Variants in PGM2 observed in about 807,000 individuals in gnomAD.
PGM2 encodes the protein phosphopentomutase.
PGM2 carries 57 observed loss-of-function variants against 74.6 expected under a neutral mutation model. That is an observed-to-expected ratio of 0.76 (90% CI 0.62 to 0.95). The LOEUF (loss-of-function observed/expected upper bound fraction) is 0.95. PGM2 is among the 40% of genes least tolerant of loss of function. PGM2 has a pLI of 0.00. For missense variants in PGM2, 706 were observed against 741.9 expected (o/e 0.95, Z 0.56); for synonymous variants, 273 against 260.7 (o/e 1.05, Z -0.46).
rs916912471 is a variant in PGM2, at chr4:37,851,398, A to C, written c.1602+1025A>C. Among the ~76,000 whole-genome samples, 378 of 152,364 alleles carry C rather than the reference A, an allele frequency of 2.5e-3. 1 individual carries two copies. The highest frequency in any genetic ancestry group is 5.4e-4 in the Non-Finnish European group (37 of 68,042). ...AGTGTATTGGAGCTGTTGGCTGTAA[A>C]GCCTGAGTTTGCATTCTTTACACCA... is the stretch of plus-strand genomic sequence containing the variant. On this transcript the variant is annotated intron_variant, in intron 12 of 13. Transcript: ENST00000381967.
At chr4:37,837,415 A>G in intron 3 of PGM2, 114 bp from the exon 4 acceptor site, 1 of 759,656 alleles carries the variant, frequency 1.3e-6, no homozygotes, top group South Asian at 1.4e-5. Flanking sequence ...GCTGTCCTTG[A>G]TCTGGATGCT....
chr4:37,833,938 C>G (rs963994510), intron 2 of PGM2, among the ~76,000 whole-genome samples: 1 of 152,146 alleles, frequency 6.6e-6, no homozygotes, highest in Non-Finnish European at 1.5e-5. Flanking sequence ...AAGCCCTACA[C>G]TGAACTACCT....
At chr4:37,845,430 T>G (rs1725845013) in intron 7 of PGM2, among the ~76,000 whole-genome samples, 1 of 152,210 alleles carries the variant, frequency 6.6e-6, no homozygotes, top group African/African-American at 2.4e-5. Flanking sequence ...ACCTCTGACT[T>G]AGGAAGATAC....
chr4:37,854,602 C>T (rs1467931483), intron 12 of PGM2, among the ~76,000 whole-genome samples: 4 of 151,922 alleles, frequency 2.6e-5, no homozygotes, highest in African/African-American at 7.3e-5. Context: ...CCGCCCTCCT[C>T]GGCCTCCCAA....
At chr4:37,837,214 GAGATAGAC>G (rs1725592447) in intron 3 of PGM2, among the ~76,000 whole-genome samples, 1 of 152,216 alleles carries the variant, frequency 6.6e-6, no homozygotes, top group South Asian at 2.1e-4. Context: ...GAGAACCACT[GAGATAGAC>G]AGAGAGCTGA....
intron 3 of PGM2, among the ~76,000 whole-genome samples, chr4:37,836,457 A>G (rs1577674022): frequency 6.6e-6 from 1 of 152,216 alleles, no homozygotes; most frequent in Non-Finnish European, 1.5e-5. Context: ...TTAATCTTCC[A>G]ATTTTAAATA....
At chr4:37,859,714 G>GT (rs1470258832) in intron 13 of PGM2, among the ~76,000 whole-genome samples, 1 of 145,772 alleles carries the variant, frequency 6.9e-6, no homozygotes, top group African/African-American at 2.7e-5. Flanking sequence ...CAAAATAGCT[G>GT]TTTTCTCCCC....
At chr4:37,852,182 G>A (rs1726061259) in intron 12 of PGM2, among the ~76,000 whole-genome samples, 1 of 137,146 alleles carries the variant, frequency 7.3e-6, no homozygotes. Flanking sequence ...CTCTCCCTAG[G>A]TTTCCCAGGC....
intron 1 of PGM2, among the ~76,000 whole-genome samples, chr4:37,829,203 A>G (rs1287990238): frequency 6.6e-6 from 1 of 152,190 alleles, no homozygotes; most frequent in African/African-American, 2.4e-5. Flanking sequence ...AAATAGGGCA[A>G]TGTATAATGA....
Position 37,845,660 on chromosome 4 carries a change from A to G in PGM2, c.937A>G (p.Thr313Ala), listed in dbSNP as rs1312150544. The change falls in exon 8 of 14, where the codon ACC (threonine) becomes GCC (alanine). Residue 313 changes from threonine (T) to alanine (A), a missense_variant. Transcript: ENST00000381967. The stretch of plus-strand genomic sequence containing the variant: ...TTTGTCTTTTGCTTTGGCTGACAAA[A>G]CCAAGGCCAGAATTGTTTTAGCTAA... ...LTLSFALADK[T>A]KARIVLANDP... 2 of 1,613,208 alleles carry G rather than the reference A, an allele frequency of 1.2e-6. No homozygotes were observed. Among genetic ancestry groups the G allele is most frequent in the Admixed American group, 3.3e-5 (2 of 59,992 alleles).
chr4:37,855,352 C>G (rs369528971), intron 12 of PGM2, among the ~76,000 whole-genome samples: 1 of 152,136 alleles, frequency 6.6e-6, no homozygotes, highest in Non-Finnish European at 1.5e-5. Context: ...CCAGGTTCTT[C>G]CATATTGTTG....
chr4:37,844,273 G>A (rs1725804853), intron 6 of PGM2, 91 bp from the exon 7 acceptor site: 1 of 724,460 alleles, frequency 1.4e-6, no homozygotes, highest in Admixed American at 2.6e-5. Flanking sequence ...TTAGAAAGAT[G>A]TTCAGTTGTC....
At chr4:37,850,924 G>A (rs1726022709) in intron 12 of PGM2, among the ~76,000 whole-genome samples, 1 of 140,438 alleles carries the variant, frequency 7.1e-6, no homozygotes, top group Admixed American at 7.8e-5. Context: ...CCAGGAGGCA[G>A]AAGTTGCAGT....
intron 2 of PGM2, among the ~76,000 whole-genome samples, chr4:37,834,209 C>T (rs1316736155): frequency 6.7e-6 from 1 of 150,214 alleles, no homozygotes; most frequent in Non-Finnish European, 1.5e-5. Flanking sequence ...TAGCATGCAC[C>T]TGTGGTCCTA....
At chr4:37,827,210 T>A (rs1487677751) in intron 1 of PGM2, among the ~76,000 whole-genome samples, 2 of 152,202 alleles carry the variant, frequency 1.3e-5, no homozygotes, top group East Asian at 3.9e-4. Context: ...CCAGAATCGC[T>A]CCGTCCCGCG....
chr4:37,861,605 C>A lies in PGM2; in HGVS notation c.1832C>A (p.Ala611Glu). Residue 611 changes from alanine (A) to glutamate (E), a missense_variant, in exon 14 of 14, where the codon GCA becomes GAA. Physicochemically the swap from Ala to Glu is moderately radical, Grantham distance 107. Around this residue, in one of 3 missense-constraint regions of PGM2, gnomAD observed 359 missense variants for 371.1 expected, o/e 0.97. Coordinates refer to ENST00000381967, the MANE Select transcript of PGM2 (RefSeq NM_018290.4). ...CAGAAGTACAATCTGCAGCCAAAAGCAGACTAAAATAGTCCAGCCTTGGGT... is the reference window on the plus strand; with the variant it reads ...CAGAAGTACAATCTGCAGCCAAAAGAAGACTAAAATAGTCCAGCCTTGGGT... The part of the protein sequence containing the change: ...QPQKYNLQPK[A>E]D 6.2e-7 allele frequency: 1 copy of A among 1,606,080 alleles called. No individual in the cohort carries two copies. Among genetic ancestry groups the A allele is most frequent in the Non-Finnish European group, 8.5e-7 (1 of 1,172,892 alleles).
chr4:37,854,679 A>AC (rs1215973007), intron 12 of PGM2, among the ~76,000 whole-genome samples: 1 of 151,908 alleles, frequency 6.6e-6, no homozygotes, highest in African/African-American at 2.4e-5. Context: ...TTTAAAAAAA[A>AC]AAAACAAAAA....
At chr4:37,832,699 C>G (rs1029790000) in intron 2 of PGM2, among the ~76,000 whole-genome samples, 3 of 152,130 alleles carry the variant, frequency 2.0e-5, no homozygotes, top group Non-Finnish European at 4.4e-5. Context: ...AACTCACTGT[C>G]CTCTGAAAGA....
At chr4:37,859,406 G>T (rs749062821) in intron 13 of PGM2, among the ~76,000 whole-genome samples, 20 of 152,240 alleles carry the variant, frequency 1.3e-4, no homozygotes, top group Non-Finnish European at 2.5e-4. Flanking sequence ...GGCCAGCTCG[G>T]CAAGTCTGAA....
Sources: allele counts gnomAD v4.1 joint callset (sites outside exome capture counted in the v4.1 genomes callset), GRCh38; gene constraint gnomAD v4.1.1; regional missense constraint gnomAD v4.1.1; transcripts MANE v1.5; gene names NCBI Gene and HGNC (gene_info 2026-07-23, HGNC 2026-07-21).